The following ARHGEF10 variants were observed in gnomAD, a reference collection of about 807,000 sequenced individuals.
ARHGEF10 encodes the protein Rho guanine nucleotide exchange factor 10.
A neutral mutation model predicts 147.4 loss-of-function variants in ARHGEF10; 140 were observed. The ratio of observed to expected loss-of-function variants is 0.95; its 90% CI spans 0.83 to 1.09. The LOEUF is 1.09. ARHGEF10 is among the 50% of genes least tolerant of loss of function. ARHGEF10 has a pLI of 0.00. For missense variants in ARHGEF10, 2,222 were observed against 1,752.7 expected (o/e 1.27, Z -4.78); for synonymous variants, 902 against 695.8 (o/e 1.30, Z -4.67).
chr8:1,861,623 T>C (rs1046088010), intron 4 of ARHGEF10, among the ~76,000 whole-genome samples: 1 of 152,086 alleles, frequency 6.6e-6, no homozygotes, highest in Admixed American at 6.5e-5. Context: ...TTCCAGTTAA[T>C]AACAGTTGAG....
chr8:1,899,535 C>A (rs769973622), intron 15 of ARHGEF10, among the ~76,000 whole-genome samples: 2 of 152,106 alleles, frequency 1.3e-5, no homozygotes, highest in Non-Finnish European at 2.9e-5. Context: ...ATGGCACATT[C>A]TTTTTAAATA....
At chr8:1,947,871 C>A (rs1008819723) in intron 27 of ARHGEF10, among the ~76,000 whole-genome samples, 9 of 151,422 alleles carry the variant, frequency 5.9e-5, no homozygotes, top group Non-Finnish European at 1.3e-4. Flanking sequence ...CTGTCTTTGA[C>A]CTCTCCTGTA....
At chr8:1,914,503 A>C (rs961190297) in intron 18 of ARHGEF10, among the ~76,000 whole-genome samples, 1 of 152,220 alleles carries the variant, frequency 6.6e-6, no homozygotes, top group African/African-American at 2.4e-5. Flanking sequence ...AGAGTAAGGT[A>C]CTTCTGGGCG....
chr8:1,947,763 C>T (rs1814713279), intron 27 of ARHGEF10, among the ~76,000 whole-genome samples: 1 of 148,460 alleles, frequency 6.7e-6, no homozygotes, highest in African/African-American at 2.5e-5. Flanking sequence ...GTCCCCATAC[C>T]CCACCCCGCT....
At chr8:1,832,377 C>CAGAGGCAGAGGCAGAGACAGAG (rs1363124667) in intron 1 of ARHGEF10, among the ~76,000 whole-genome samples, 34 of 46,632 alleles carry the variant, frequency 7.3e-4, no homozygotes, top group Admixed American at 3.9e-3. Context: ...GAGACAGAGA[C>CAGAGGCAGAGGCAGAGACAGAG]AGAGGCAGAG....
Position 1,956,856 on chromosome 8 carries a change from C to A in ARHGEF10, c.3628C>A (p.Pro1210Thr). The change falls in exon 29 of 29, where the codon CCT becomes ACT. Residue 1210 changes from proline to threonine, a missense_variant. Coordinates refer to ENST00000349830, the MANE Select transcript of ARHGEF10 (RefSeq NM_014629.4). ...GGACAAATCCAGGGACAGCCTGGCTCCTGGCCCCGAGCCTCAGGACGAAGA... is the reference window on the plus strand; with the variant it reads ...GGACAAATCCAGGGACAGCCTGGCTACTGGCCCCGAGCCTCAGGACGAAGA... ...DKDKSRDSLA[P>T]GPEPQDEDQK... is the part of the protein sequence containing the mutation. 1 of 1,614,052 alleles carries A rather than the reference C, an allele frequency of 6.2e-7. No homozygotes were observed. Among genetic ancestry groups the A allele is most frequent in the Non-Finnish European group, 8.5e-7 (1 of 1,180,034 alleles).
At chr8:1,918,372 G>A (rs1208204188) in intron 18 of ARHGEF10, among the ~76,000 whole-genome samples, 8 of 151,776 alleles carry the variant, frequency 5.3e-5, no homozygotes, top group Admixed American at 1.3e-4. Context: ...TAAGGTCGAG[G>A]AACTCCTCCT....
intron 12 of ARHGEF10, 45 bp from the exon 13 acceptor site, chr8:1,894,348 T>C (rs1453644517): frequency 6.2e-7 from 1 of 1,608,398 alleles, no homozygotes; most frequent in East Asian, 2.2e-5. Context: ...AGACCCAGGC[T>C]CTGAAAAAGA....
At chr8:1,915,503 G>A (rs1284376290) in intron 18 of ARHGEF10, among the ~76,000 whole-genome samples, 2 of 152,244 alleles carry the variant, frequency 1.3e-5, no homozygotes, top group East Asian at 3.8e-4. Flanking sequence ...TCTGGGGGAG[G>A]AAACGGGGGC....
intron 8 of ARHGEF10, 86 bp downstream of exon 8, chr8:1,876,820 A>G (rs1807750720): frequency 7.0e-7 from 1 of 1,435,764 alleles, no homozygotes; most frequent in East Asian, 2.3e-5. Flanking sequence ...TCCACCTAGT[A>G]CTTCATAGTG....
chr8:1,908,466 T>A (rs1021254091), intron 17 of ARHGEF10, among the ~76,000 whole-genome samples: 14 of 152,142 alleles, frequency 9.2e-5, no homozygotes, highest in Non-Finnish European at 1.6e-4. Context: ...TCTCCTGACC[T>A]TGTGATCTGC....
rs758429027 is a variant in ARHGEF10 at position 1,894,531 on chromosome 8, T to C, written c.1399T>C (p.Trp467Arg). 6.2e-7 allele frequency: 1 copy of C among 1,614,028 alleles called. No individual in the cohort carries two copies. Among genetic ancestry groups the C allele is most frequent in the South Asian group, 1.1e-5 (1 of 91,072 alleles). The stretch of plus-strand genomic sequence containing the variant: ...CGCGCTGGCCAGCCGCGTTTCCGAG[T>C]GGGACTCCGTGGAAATGATAGGCGA... ...QIALASRVSEWDSVEMIGDVF... is the reference protein window; with the variant it reads ...QIALASRVSERDSVEMIGDVF... The change falls in exon 13 of 29, where the codon TGG (tryptophan) becomes CGG (arginine). Residue 467 changes from tryptophan to arginine, a missense_variant. Trp to Arg is a moderately radical substitution (Grantham distance 101). Transcript: ENST00000349830.
intron 23 of ARHGEF10, chr8:1,926,841 A>G (rs1340264306): frequency 2.5e-5 from 8 of 318,664 alleles, no homozygotes; most frequent in Non-Finnish European, 4.8e-5. Context: ...GTTAAAATTA[A>G]TTTGTTCCAA....
At chr8:1,954,468 A>T (rs1455610671) in intron 28 of ARHGEF10, among the ~76,000 whole-genome samples, 1 of 117,950 alleles carries the variant, frequency 8.5e-6, no homozygotes, top group Non-Finnish European at 1.8e-5. Context: ...AAATATTCCA[A>T]CATTAAAAAA....
chr8:1,951,778 G>A (rs898064821), intron 27 of ARHGEF10, among the ~76,000 whole-genome samples: 4 of 152,244 alleles, frequency 2.6e-5, no homozygotes, highest in South Asian at 4.1e-4. Context: ...TGAAGGCCGC[G>A]ATGCTGACGA....
intron 17 of ARHGEF10, among the ~76,000 whole-genome samples, chr8:1,906,761 G>A (rs1297321444): frequency 6.6e-6 from 1 of 152,188 alleles, no homozygotes; most frequent in Non-Finnish European, 1.5e-5. Flanking sequence ...CGCTCTTGCG[G>A]GTCTCTTCAG....
intron 1 of ARHGEF10, among the ~76,000 whole-genome samples, chr8:1,829,030 C>T (rs1184210705): frequency 2.0e-5 from 3 of 152,222 alleles, no homozygotes; most frequent in Admixed American, 6.5e-5. Flanking sequence ...CGGACACGGA[C>T]GGGGAGTCCT....
At chr8:1,929,552 G>T in intron 25 of ARHGEF10, 109 bp downstream of exon 25, 1 of 1,340,300 alleles carries the variant, frequency 7.5e-7, no homozygotes, top group Non-Finnish European at 1.0e-6. Flanking sequence ...TCCCGCCCCT[G>T]TGCCTCCGCC....
chr8:1,835,118 G>A (rs1410501153), intron 1 of ARHGEF10, among the ~76,000 whole-genome samples: 1 of 152,280 alleles, frequency 6.6e-6, no homozygotes, highest in Non-Finnish European at 1.5e-5. Context: ...GCATTCTGTG[G>A]CGCAGACACA....
Sources: allele counts gnomAD v4.1 joint callset (sites outside exome capture counted in the v4.1 genomes callset), GRCh38; gene constraint gnomAD v4.1.1; transcripts MANE v1.5; gene names NCBI Gene and HGNC (gene_info 2026-07-23, HGNC 2026-07-21).